The following CUX2 variants were observed in gnomAD, a reference collection of about 807,000 sequenced individuals.
CUX2 encodes the protein homeobox protein cut-like 2.
Under a neutral mutation model 144.8 loss-of-function variants are expected in CUX2, and 40 were observed. That is an observed-to-expected ratio of 0.28 (90% CI 0.21 to 0.36). CUX2 has a LOEUF of 0.36. Ranked by LOEUF, CUX2 falls within the 10% of genes least tolerant of loss-of-function variation. The pLI is 1.00. For missense variants in CUX2, 1,615 were observed against 1,994.0 expected (o/e 0.81, Z 3.62); for synonymous variants, 827 against 875.6 (o/e 0.94, Z 0.98).
intron 1 of CUX2, among the ~76,000 whole-genome samples, chr12:111,048,353 T>C (rs1249757568): frequency 6.6e-6 from 1 of 152,140 alleles, no homozygotes; most frequent in Non-Finnish European, 1.5e-5. Flanking sequence ...CAGGAAGCCT[T>C]TGGGCACGCA....
intron 18 of CUX2, among the ~76,000 whole-genome samples, chr12:111,334,118 C>G (rs1392268666): frequency 7.3e-6 from 1 of 136,174 alleles, no homozygotes; most frequent in Non-Finnish European, 1.6e-5. Flanking sequence ...ACCCGGGAGG[C>G]GGAGGTTGCA....
chr12:111,225,375 G>C (rs1036879221), intron 3 of CUX2, among the ~76,000 whole-genome samples: 1 of 152,224 alleles, frequency 6.6e-6, no homozygotes, highest in Non-Finnish European at 1.5e-5. Context: ...CGCAGCCCCT[G>C]ATGGTGAGTG....
chr12:111,169,361 C>T (rs757552040), intron 1 of CUX2, among the ~76,000 whole-genome samples: 1 of 152,164 alleles, frequency 6.6e-6, no homozygotes, highest in Non-Finnish European at 1.5e-5. Flanking sequence ...CCTCCAGAAG[C>T]GGGAGAGAAG....
chr12:111,036,680 G>A (rs1869472067), intron 1 of CUX2, among the ~76,000 whole-genome samples: 1 of 151,078 alleles, frequency 6.6e-6, no homozygotes, highest in Non-Finnish European at 1.5e-5. Context: ...TGGCACACAG[G>A]AGAAGGCTCT....
At chr12:111,064,688 A>T (rs1870949803) in intron 1 of CUX2, among the ~76,000 whole-genome samples, 1 of 152,218 alleles carries the variant, frequency 6.6e-6, no homozygotes, top group African/African-American at 2.4e-5. Flanking sequence ...TCTGGGGTGG[A>T]AGTGAGGCAT....
At chr12:111,340,546 T>C (rs529486066) in intron 20 of CUX2, among the ~76,000 whole-genome samples, 17 of 152,346 alleles carry the variant, frequency 1.1e-4, no homozygotes, top group African/African-American at 3.1e-4. Context: ...CTAATTCTTA[T>C]GTAAAAAATA....
At chr12:111,121,653 T>C (rs1874702827) in intron 1 of CUX2, among the ~76,000 whole-genome samples, 1 of 152,046 alleles carries the variant, frequency 6.6e-6, no homozygotes, top group Non-Finnish European at 1.5e-5. Context: ...TGAGCCACTA[T>C]GCCCGGCCAA....
chr12:111,145,248 C>G (rs1876593466), intron 1 of CUX2, among the ~76,000 whole-genome samples: 1 of 152,198 alleles, frequency 6.6e-6, no homozygotes, highest in African/African-American at 2.4e-5. Flanking sequence ...CTGTCCAAAC[C>G]CCCTCTATCC....
rs753121061 is a variant in CUX2 at position 111,307,080 on chromosome 12, C to T, written c.1018C>T (p.Arg340Trp). 15 of 1,612,752 alleles carry T rather than the reference C, an allele frequency of 9.3e-6. No individual in the cohort carries two copies. The highest frequency in any genetic ancestry group is 1.3e-5 in the Non-Finnish European group (15 of 1,179,078). ...CGCCAACCAGATCGCCGACCTGGAG[C>T]GGCAGCTCACGGCCAAGTCCGAGGC... Reference protein sequence around the residue: ...ASANQIADLERQLTAKSEAIE... With the variant: ...ASANQIADLEWQLTAKSEAIE... Residue 340 changes from arginine (R) to tryptophan (W), a missense_variant, in exon 11 of 22, where the codon CGG becomes TGG. Arg to Trp is a moderately radical substitution (Grantham distance 101, BLOSUM62 -3). Transcript: ENST00000261726. The surrounding 1 kb of genome is among the most constrained non-coding windows in gnomAD (Gnocchi z 4.1).
At chr12:111,153,893 C>T (rs761383000) in intron 1 of CUX2, among the ~76,000 whole-genome samples, 1 of 152,128 alleles carries the variant, frequency 6.6e-6, no homozygotes, top group Non-Finnish European at 1.5e-5. Flanking sequence ...AGATGTTGGT[C>T]GGCAGCGGCG....
chr12:111,228,974 A>C (rs762074690), intron 3 of CUX2, among the ~76,000 whole-genome samples: 2 of 152,214 alleles, frequency 1.3e-5, no homozygotes, highest in African/African-American at 2.4e-5. Context: ...AAGTGAGAAC[A>C]GAGGTACAAA....
chr12:111,347,399 A>T, intron 21 of CUX2, 125 bp from the exon 22 acceptor site: 1 of 812,346 alleles, frequency 1.2e-6, no homozygotes, highest in Non-Finnish European at 2.0e-6. Context: ...TGGTGCAAGT[A>T]TGGAGGCTTA....
chr12:111,244,470 C>A (rs1565869698), intron 3 of CUX2, among the ~76,000 whole-genome samples: 1 of 152,248 alleles, frequency 6.6e-6, no homozygotes, highest in Non-Finnish European at 1.5e-5. Context: ...AATCCCAGCT[C>A]TGTCCGGAGC....
intron 1 of CUX2, among the ~76,000 whole-genome samples, chr12:111,138,329 G>A (rs555051654): frequency 3.9e-5 from 6 of 152,174 alleles, no homozygotes; most frequent in East Asian, 3.9e-4. Flanking sequence ...GCACCCGGGC[G>A]CTGGGGAGCC....
At chr12:111,103,521 A>G (rs1202701334) in intron 1 of CUX2, among the ~76,000 whole-genome samples, 1 of 152,192 alleles carries the variant, frequency 6.6e-6, no homozygotes, top group East Asian at 1.9e-4. Context: ...CATTCAGTGA[A>G]CATTTCTGTG....
chr12:111,177,639 C>T (rs1878935981), intron 1 of CUX2, among the ~76,000 whole-genome samples: 1 of 152,204 alleles, frequency 6.6e-6, no homozygotes, highest in African/African-American at 2.4e-5. Context: ...GATCCGCCTG[C>T]CTCAACTTCC....
chr12:111,326,481 T>G (rs1353194337), intron 18 of CUX2, among the ~76,000 whole-genome samples: 1 of 151,612 alleles, frequency 6.6e-6, no homozygotes, highest in Admixed American at 6.6e-5. Flanking sequence ...TTTATAGTGT[T>G]GTGGTGATGG....
intron 18 of CUX2, among the ~76,000 whole-genome samples, chr12:111,332,227 G>A (rs971328651): frequency 1.1e-4 from 16 of 145,038 alleles, no homozygotes; most frequent in Non-Finnish European, 1.8e-4. Context: ...CCGCCTCCCA[G>A]GTTCAAGCGA....
intron 14 of CUX2, 68 bp downstream of exon 14, chr12:111,308,594 C>T (rs915602118): frequency 3.3e-5 from 44 of 1,352,048 alleles, no homozygotes; most frequent in Non-Finnish European, 4.5e-5. Flanking sequence ...CTGGCCTTCT[C>T]ATGCCCAAGG....
Sources: allele counts gnomAD v4.1 joint callset (sites outside exome capture counted in the v4.1 genomes callset), GRCh38; gene constraint gnomAD v4.1.1; non-coding constraint Gnocchi (gnomAD v3.1); transcripts MANE v1.5; gene names NCBI Gene and HGNC (gene_info 2026-07-23, HGNC 2026-07-21).